Variants in SP3 observed in about 807,000 individuals in gnomAD.
SP3 encodes Sp3 transcription factor, also known as transcription factor Sp3.
In SP3, 10 loss-of-function variants were observed where a neutral mutation model predicts 70.3. That is an observed-to-expected ratio of 0.14 (90% CI 0.09 to 0.24). The LOEUF (loss-of-function observed/expected upper bound fraction) is 0.24, where lower values mean the gene tolerates loss of function less well. SP3 is among the 10% of genes least tolerant of loss of function. The probability of loss-of-function intolerance (pLI) is 1.00; values close to 1 mark genes in which losing one functional copy is unlikely to be tolerated. For synonymous variants in SP3, 402 were observed against 333.5 expected (o/e 1.21, Z -2.24); for missense variants, 825 against 914.6 (o/e 0.90, Z 1.26).
intron 4 of SP3, among the ~76,000 whole-genome samples, chr2:173,949,396 CA>C (rs991347509): frequency 1.3e-5 from 2 of 149,980 alleles, no homozygotes; most frequent in African/African-American, 4.9e-5. Context: ...TAAAAATAAC[CA>C]AAAAAAGGGA....
rs200215886 is a variant in SP3, at chr2:173,948,139, T to TTA, written c.1639+6732_1639+6733dup. ...GGGTTTTTCTGCATGTAGGGTACTT[T>TTA]TATCTATATTAATAGCTAATTAAAT... On this transcript the variant is annotated intron_variant, in intron 4 of 6. Coordinates refer to ENST00000310015, the MANE Select transcript of SP3 (RefSeq NM_003111.5). Among the ~76,000 whole-genome samples the TTA allele has an allele frequency of 6.3e-3, 958 of 152,300 alleles. 24 individuals carry two copies. The highest frequency in any genetic ancestry group is 0.01 in the East Asian group (54 of 5,194).
chr2:173,941,807 C>T (rs1690380224), intron 4 of SP3, among the ~76,000 whole-genome samples: 1 of 152,144 alleles, frequency 6.6e-6, no homozygotes, highest in African/African-American at 2.4e-5. Flanking sequence ...AGTTTCAGTT[C>T]CTGAATTTCT....
At chr2:173,941,938 T>C (rs1406738244) in intron 4 of SP3, among the ~76,000 whole-genome samples, 1 of 152,248 alleles carries the variant, frequency 6.6e-6, no homozygotes, top group African/African-American at 2.4e-5. Context: ...TCTATTTCCA[T>C]TGTTTCTGCT....
At chr2:173,921,250 A>G (rs1245032402) in intron 4 of SP3, among the ~76,000 whole-genome samples, 1 of 152,198 alleles carries the variant, frequency 6.6e-6, no homozygotes, top group African/African-American at 2.4e-5. Context: ...CCATTTTTAT[A>G]CAAATAATAA....
intron 4 of SP3, among the ~76,000 whole-genome samples, chr2:173,943,377 A>G (rs1253302938): frequency 3.3e-5 from 5 of 152,090 alleles, no homozygotes; most frequent in Non-Finnish European, 7.4e-5. Flanking sequence ...AGGCTCCTTT[A>G]TCAATGTTCA....
intron 2 of SP3, chr2:173,964,106 A>C (rs917860028): frequency 1.2e-5 from 4 of 333,292 alleles, no homozygotes; most frequent in Admixed American, 4.9e-5. Context: ...GTCCGCGGGC[A>C]GGCGGGCGGC....
intron 1 of SP3, 128 bp from the exon 2 acceptor site, chr2:173,964,681 C>T: frequency 5.0e-6 from 2 of 400,866 alleles, no homozygotes; most frequent in Non-Finnish European, 8.8e-6. Context: ...CCCCACCCGC[C>T]CCCCGGCGGC....
intron 1 of SP3, 71 bp downstream of exon 1, chr2:173,965,094 C>G: frequency 1.3e-6 from 2 of 1,541,176 alleles, no homozygotes; most frequent in Non-Finnish European, 1.8e-6. Context: ...GGCAGCGGCC[C>G]CGGGCTGGCT....
chr2:173,934,713 T>TA (rs796444342), intron 4 of SP3, among the ~76,000 whole-genome samples: 450 of 146,624 alleles, frequency 3.1e-3, no homozygotes, highest in African/African-American at 3.5e-3. Flanking sequence ...ACATAAAAAG[T>TA]AAAAAAAAAA....
In SP3 at chr2:173,956,164, A is replaced by G. The variant is rs1690887685; in HGVS notation, c.348T>C (p.Pro116=). ...PNRWEVLSAT[P]TTIKDEAGNL... ...TACCAGCTTCATCTTTTATAGTTGT[A>G]GGTGTGGCTGACAAAACCTCCCATC... Residue 116 remains proline, a synonymous_variant, in exon 4 of 7, where the codon CCT becomes CCC. Coordinates refer to ENST00000310015, the MANE Select transcript of SP3 (RefSeq NM_003111.5). 1 of 1,614,002 alleles carries G rather than the reference A, an allele frequency of 6.2e-7. No individual in the cohort carries two copies. Among genetic ancestry groups the G allele is most frequent in the South Asian group, 1.1e-5 (1 of 91,088 alleles).
At chr2:173,923,085 A>C (rs1034591268) in intron 4 of SP3, among the ~76,000 whole-genome samples, 2 of 152,212 alleles carry the variant, frequency 1.3e-5, no homozygotes, top group African/African-American at 4.8e-5. Context: ...AAATTTAAGC[A>C]ATGAAAACAG....
intron 3 of SP3, among the ~76,000 whole-genome samples, chr2:173,960,617 A>T (rs1691038553): frequency 6.6e-6 from 1 of 152,206 alleles, no homozygotes; most frequent in Admixed American, 6.5e-5. Context: ...TTATGTGCCA[A>T]ATTAAGGAAC....
chr2:173,949,628 C>T (rs1690655717), intron 4 of SP3, among the ~76,000 whole-genome samples: 1 of 152,138 alleles, frequency 6.6e-6, no homozygotes, highest in African/African-American at 2.4e-5. Flanking sequence ...AGATCCATCC[C>T]TCTTTCGCCT....
At chr2:173,950,930 T>A (rs16862209) in intron 4 of SP3, among the ~76,000 whole-genome samples, 1 of 152,178 alleles carries the variant, frequency 6.6e-6, no homozygotes, top group East Asian at 1.9e-4. Flanking sequence ...CTTTCTCAAA[T>A]AATTTCCCCG....
intron 5 of SP3, chr2:173,916,306 T>C (rs1053492232): frequency 6.6e-6 from 1 of 152,024 alleles, no homozygotes; most frequent in Non-Finnish European, 1.5e-5. Flanking sequence ...TGTAATAGCA[T>C]GGTAACAAGG....
intron 4 of SP3, among the ~76,000 whole-genome samples, chr2:173,951,623 C>T (rs1265589580): frequency 6.6e-6 from 1 of 152,156 alleles, no homozygotes; most frequent in Non-Finnish European, 1.5e-5. Flanking sequence ...AGAGTATCTA[C>T]TCACGGATAT....
intron 5 of SP3, chr2:173,914,150 T>G (rs1285829791): frequency 7.6e-6 from 1 of 130,828 alleles, no homozygotes; most frequent in Non-Finnish European, 1.6e-5. Context: ...ACAGAAAATG[T>G]TATTTCTCAA....
At chr2:173,960,767 G>C (rs549956169) in intron 3 of SP3, among the ~76,000 whole-genome samples, 1 of 151,666 alleles carries the variant, frequency 6.6e-6, no homozygotes, top group Non-Finnish European at 1.5e-5. Context: ...TCAGGAGATC[G>C]AGACCATCCT....
At chr2:173,940,205 G>C (rs1293388304) in intron 4 of SP3, among the ~76,000 whole-genome samples, 1 of 152,110 alleles carries the variant, frequency 6.6e-6, no homozygotes, top group East Asian at 1.9e-4. Flanking sequence ...TAGGACAGCG[G>C]TCCCCAACCT....
Sources: allele counts gnomAD v4.1 joint callset (sites outside exome capture counted in the v4.1 genomes callset), GRCh38; gene constraint gnomAD v4.1.1; transcripts MANE v1.5; gene names NCBI Gene and HGNC (gene_info 2026-07-23, HGNC 2026-07-21).